The following GFI1B variants were observed in gnomAD, a reference collection of about 807,000 sequenced individuals.
The protein encoded by GFI1B is growth factor independent 1B transcriptional repressor.
Under a neutral mutation model 35.3 loss-of-function variants are expected in GFI1B, and 20 were observed. The observed-to-expected ratio is 0.57, with a 90% CI of 0.40 to 0.82. The LOEUF (loss-of-function observed/expected upper bound fraction) is 0.82, where lower values mean the gene tolerates loss of function less well. Among genes scored for constraint, GFI1B ranks in the 40% least tolerant of loss-of-function variants. GFI1B has a pLI of 0.00. For missense variants in GFI1B, 430 were observed against 446.3 expected, an observed-to-expected ratio of 0.96 and a Z score of 0.33; for synonymous variants, 178 against 177.6, an observed-to-expected ratio of 1.00 and a Z score of -0.02.
intron 1 of GFI1B, among the ~76,000 whole-genome samples, chr9:132,979,269 T>C (rs1026518199): frequency 8.2e-6 from 1 of 122,250 alleles, no homozygotes; most frequent in South Asian, 3.0e-4. Context: ...TTTTTTTTTT[T>C]TTTTTGAGAC....
At chr9:132,966,344 G>A (rs183882564) in intron 1 of GFI1B, among the ~76,000 whole-genome samples, 82 of 151,056 alleles carry the variant, frequency 5.4e-4, no homozygotes, top group African/African-American at 1.9e-3. Context: ...AGGCAACAAA[G>A]TGAGATCCTA....
rs1047516301 is a variant in GFI1B at position 132,988,094 on chromosome 9, C to T, written c.239-103C>T. On this transcript the variant is annotated intron_variant, in intron 3 of 6. Coordinates refer to ENST00000372122, the MANE Select transcript of GFI1B (RefSeq NM_001377304.1). ...CTCCCGACCTCAAGTGACCCACTTG[C>T]CTCAGCCTCCCAAAGTGCTGGAATT... 23 of 1,054,526 alleles carry T rather than the reference C, an allele frequency of 2.2e-5. No homozygotes were observed. In the East Asian group the frequency reaches 5.5e-4, roughly 25 times the overall value. 65.3% of individuals were successfully genotyped at this position (1,054,526 alleles called of 1,614,324 possible). A position where few individuals can be genotyped will look rare whatever the true frequency, so the allele number is the denominator to read the frequency against.
rs545924000 is a variant in GFI1B, at chr9:132,987,828, G to C, written c.239-369G>C. 2.6e-5 allele frequency among the ~76,000 whole-genome samples: 4 copies of C among 152,150 alleles called. No homozygotes were observed. The East Asian group carries it at 7.8e-4, about 29-fold the overall frequency. On this transcript the variant is annotated intron_variant, in intron 3 of 6. Transcript: ENST00000372122. ...TGTGGTAGAGGGTGGTGGGAAGGGG[G>C]TGCCCTGTGTTTATTTTATTTCATT...
chr9:132,970,856 T>G, intron 1 of GFI1B, among the ~76,000 whole-genome samples: 2 of 152,102 alleles, frequency 1.3e-5, no homozygotes. Context: ...ATCAAGAGTT[T>G]ATGGGGCGGT....
upstream of GFI1B, among the ~76,000 whole-genome samples, chr9:132,975,886 C>T (rs540475765): frequency 6.6e-6 from 1 of 152,298 alleles, no homozygotes; most frequent in African/African-American, 2.4e-5. Flanking sequence ...GGACACAGAG[C>T]ATGGGAAGTC....
intron 1 of GFI1B, among the ~76,000 whole-genome samples, chr9:132,972,008 C>T (rs1037053885): frequency 6.7e-6 from 1 of 149,410 alleles, no homozygotes; most frequent in East Asian, 2.0e-4. Context: ...GGTGTGGTGG[C>T]TCACGCCTGT....
At position 132,987,472 on chromosome 9, in the gene GFI1B, G is replaced by A. The variant is rs1849116749; in HGVS notation, c.238+53G>A. The A allele has an allele frequency of 3.1e-6, 5 of 1,607,174 alleles. No homozygotes were observed. In the South Asian group the frequency reaches 5.5e-5, roughly 18 times the overall value. Reference sequence around the variant, plus strand: ...CCCAGGGAGTGCCAAGGGGAGGAAGGATGAAGGGACTCTTGCAGCAGGGCC... The same window carrying A: ...CCCAGGGAGTGCCAAGGGGAGGAAGAATGAAGGGACTCTTGCAGCAGGGCC... On this transcript the variant is annotated intron_variant, in intron 3 of 6. Transcript: ENST00000372122.
rs1849100078 is a variant in GFI1B, at chr9:132,987,188, G to A, written c.101-94G>A. The A allele has an allele frequency of 2.2e-6, 3 of 1,342,704 alleles. No homozygotes were observed. The South Asian group carries it at 3.8e-5, about 17-fold the overall frequency. 83.2% of individuals were successfully genotyped at this position (1,342,704 alleles called of 1,614,324 possible). On this transcript the variant is annotated intron_variant, in intron 2 of 6. Transcript: ENST00000372122. ...CAGCGGCACGTGGCTGTCTCTCTGG[G>A]CCTCCTCCTCCTAGGAAGGGCGTGC...
upstream of GFI1B, among the ~76,000 whole-genome samples, chr9:132,974,023 A>G (rs1216985863): frequency 2.0e-5 from 3 of 152,178 alleles, no homozygotes; most frequent in Non-Finnish European, 4.4e-5. Flanking sequence ...CTCTCTTTCC[A>G]CTGGGGTTCC....
intron 1 of GFI1B, among the ~76,000 whole-genome samples, chr9:132,966,325 C>T (rs1366609794): frequency 6.6e-6 from 1 of 151,528 alleles, no homozygotes; most frequent in African/African-American, 2.4e-5. Flanking sequence ...CACCACTGCA[C>T]TTCAGCCTAG....
chr9:132,955,813 T>C (rs993510664), intron 1 of GFI1B, among the ~76,000 whole-genome samples: 11 of 102,618 alleles, frequency 1.1e-4, no homozygotes, highest in Non-Finnish European at 2.1e-4. Context: ...TGTGCATGTG[T>C]GTGTGTGTGT....
intron 1 of GFI1B, chr9:132,952,009 A>T (rs1433932620): frequency 2.6e-5 from 4 of 151,662 alleles, no homozygotes; most frequent in Admixed American, 1.3e-4. Flanking sequence ...ACTCAAGCAA[A>T]TCTCCCACCT....
chr9:132,992,525 C>T (rs771896379), downstream of GFI1B, among the ~76,000 whole-genome samples: 90 of 152,232 alleles, frequency 5.9e-4, no homozygotes, highest in Middle Eastern at 0.01. Context: ...TCCCTTCCAC[C>T]GATTCGCTGA....
At chr9:132,971,576 A>G (rs1002472223) in intron 1 of GFI1B, among the ~76,000 whole-genome samples, 1 of 152,254 alleles carries the variant, frequency 6.6e-6, no homozygotes, top group Admixed American at 6.5e-5. Context: ...TTATAAACAC[A>G]TACAAGTGGG....
In GFI1B at chr9:132,989,233, C is replaced by T. The variant is rs776537507; in HGVS notation, c.648+35C>T. 6 of 1,596,456 alleles carry T rather than the reference C, an allele frequency of 3.8e-6. No homozygotes were observed. Among genetic ancestry groups the T allele is most frequent in the Admixed American group, 1.7e-5 (1 of 59,986 alleles). On this transcript the variant is annotated intron_variant, in intron 5 of 6. Transcript: ENST00000372122. The surrounding 1 kb of genome is among the most constrained non-coding windows in gnomAD (Gnocchi z 6.2). ...TGGCCCAGCGCAGGACTCCCAGCCC[C>T]ACTCCTTCTCTGTGCTTCCCCAGGG...
chr9:132,975,486 C>A (rs12340943), upstream of GFI1B, among the ~76,000 whole-genome samples: 662 of 152,122 alleles, frequency 4.4e-3, 6 homozygotes, highest in African/African-American at 0.015. Context: ...ACCAACCCCC[C>A]CAAGCCTGGG....
chr9:132,974,471 G>A (rs1245253730), upstream of GFI1B, among the ~76,000 whole-genome samples: 4 of 151,494 alleles, frequency 2.6e-5, no homozygotes, highest in Admixed American at 6.6e-5. Flanking sequence ...GCTTGGTGGC[G>A]GGCACCTGTA....
chr9:132,986,054 A>T (rs758479494), intron 1 of GFI1B, among the ~76,000 whole-genome samples: 13 of 152,336 alleles, frequency 8.5e-5, no homozygotes, highest in Non-Finnish European at 2.9e-5. Context: ...GTGAAGGAGC[A>T]GTGAGGGAAG....
intron 1 of GFI1B, among the ~76,000 whole-genome samples, chr9:132,950,842 G>C (rs914418502): frequency 1.3e-5 from 2 of 150,292 alleles, no homozygotes; most frequent in African/African-American, 4.9e-5. Context: ...TTGTTTGTTT[G>C]TTTGTTTGTT....
Sources: gnomAD v4.1 joint callset for allele counts (sites outside exome capture counted in the v4.1 genomes callset) on GRCh38, gnomAD v4.1.1 for gene constraint, Gnocchi (gnomAD v3.1) non-coding constraint, MANE v1.5 for transcripts, NCBI Gene and HGNC (gene_info 2026-07-23, HGNC 2026-07-21) for gene names.